PTPRD: variants seen among roughly 807,000 people sequenced by gnomAD.
PTPRD encodes protein tyrosine phosphatase receptor type D, also known as receptor-type tyrosine-protein phosphatase delta.
Under a neutral mutation model 214.5 loss-of-function variants are expected in PTPRD, and 34 were observed. That is an observed-to-expected ratio of 0.16 (90% CI 0.12 to 0.21). The LOEUF (loss-of-function observed/expected upper bound fraction) is 0.21, where lower values mean the gene tolerates loss of function less well. PTPRD is among the 10% of genes least tolerant of loss of function. The pLI is 1.00. For synonymous variants in PTPRD, 1,128 were observed against 845.7 expected, an observed-to-expected ratio of 1.33 and a Z score of -5.79; for missense variants, 2,545 against 2,398.7, an observed-to-expected ratio of 1.06 and a Z score of -1.27.
At chr9:8,467,763 G>C (rs1454270311) in intron 31 of PTPRD, among the ~76,000 whole-genome samples, 2 of 149,888 alleles carry the variant, frequency 1.3e-5, no homozygotes, top group Admixed American at 6.7e-5. Context: ...CTTTTTTCTT[G>C]ATTCTTTTCA....
intron 7 of PTPRD, among the ~76,000 whole-genome samples, chr9:9,712,726 A>C (rs2097759039): frequency 6.6e-6 from 1 of 152,198 alleles, no homozygotes; most frequent in Non-Finnish European, 1.5e-5. Flanking sequence ...TCTCAGAATA[A>C]TGCAGATTTT....
chr9:10,477,967 G>A (rs866167015), intron 2 of PTPRD, among the ~76,000 whole-genome samples: 1 of 151,700 alleles, frequency 6.6e-6, no homozygotes, highest in South Asian at 2.1e-4. Flanking sequence ...ACATCACACC[G>A]AGAACTGTCA....
chr9:8,362,302 C>CTG (rs1412897342), intron 39 of PTPRD, among the ~76,000 whole-genome samples: 1 of 152,138 alleles, frequency 6.6e-6, no homozygotes, highest in African/African-American at 2.4e-5. Context: ...CTATTGTACC[C>CTG]TACAAACCAA....
intron 26 of PTPRD, among the ~76,000 whole-genome samples, chr9:8,494,832 T>C (rs563469861): frequency 6.6e-6 from 1 of 152,150 alleles, no homozygotes; most frequent in African/African-American, 2.4e-5. Context: ...TGGATTACAT[T>C]TTCTTTCTTT....
chr9:9,973,402 C>T (rs1281279940), intron 4 of PTPRD, among the ~76,000 whole-genome samples: 1 of 151,210 alleles, frequency 6.6e-6, no homozygotes, highest in Non-Finnish European at 1.5e-5. Context: ...ACCCAGGAGA[C>T]AAGAGTTTTC....
At chr9:9,212,198 TG>T (rs1242633895) in intron 9 of PTPRD, among the ~76,000 whole-genome samples, 1 of 152,182 alleles carries the variant, frequency 6.6e-6, no homozygotes, top group Non-Finnish European at 1.5e-5. Flanking sequence ...TCTTAGGTAA[TG>T]TTTTTCATTG....
At chr9:8,859,035 T>C (rs2098035188) in intron 11 of PTPRD, among the ~76,000 whole-genome samples, 1 of 152,208 alleles carries the variant, frequency 6.6e-6, no homozygotes, top group South Asian at 2.1e-4. Flanking sequence ...ACAGCAGTGA[T>C]AATACTATAG....
chr9:8,876,850 T>C (rs2098396545), intron 11 of PTPRD, among the ~76,000 whole-genome samples: 1 of 152,162 alleles, frequency 6.6e-6, no homozygotes, highest in African/African-American at 2.4e-5. Flanking sequence ...TTAGGGAAAG[T>C]AAATTGTGTT....
At chr9:8,556,581 A>G (rs1008457105) in intron 14 of PTPRD, among the ~76,000 whole-genome samples, 2 of 145,334 alleles carry the variant, frequency 1.4e-5, no homozygotes, top group Non-Finnish European at 3.0e-5. Flanking sequence ...TATCTGTTAG[A>G]ATAAATATGC....
At chr9:8,767,422 C>T (rs2094842526) in intron 11 of PTPRD, among the ~76,000 whole-genome samples, 1 of 152,096 alleles carries the variant, frequency 6.6e-6, no homozygotes, top group African/African-American at 2.4e-5. Context: ...CGGCGTCCCA[C>T]ATTTTTTGAA....
intron 11 of PTPRD, among the ~76,000 whole-genome samples, chr9:8,803,997 G>A (rs900028794): frequency 2.0e-5 from 3 of 151,900 alleles, no homozygotes; most frequent in East Asian, 3.9e-4. Context: ...CTGTTGCCCA[G>A]GCTGGAGTGT....
intron 10 of PTPRD, among the ~76,000 whole-genome samples, chr9:9,098,541 G>A (rs1287351741): frequency 6.6e-6 from 1 of 152,138 alleles, no homozygotes; most frequent in Admixed American, 6.5e-5. Flanking sequence ...GAGCCACCAT[G>A]CCTGGCCTGT....
intron 7 of PTPRD, among the ~76,000 whole-genome samples, chr9:9,668,787 G>T (rs1008115861): frequency 2.0e-5 from 3 of 152,002 alleles, no homozygotes; most frequent in Non-Finnish European, 4.4e-5. Context: ...TCAGGACACT[G>T]GTGTTCATAA....
At position 9,504,340 on chromosome 9, in the gene PTPRD, G is replaced by C. The variant is rs1031161242; in HGVS notation, c.-237+70392C>G. On this transcript the variant is annotated intron_variant, in intron 8 of 45. Transcript: ENST00000381196. The stretch of plus-strand genomic sequence containing the variant: ...GACCACAAAATATTCCAGATATAGA[G>C]ATTTCATAGTCCCATTGTTCTTAGT... Among the ~76,000 whole-genome samples, 19 of 151,584 alleles carry C rather than the reference G, an allele frequency of 1.3e-4. No individual in the cohort carries two copies. The Admixed American group carries it at 1.3e-3, about 10-fold the overall frequency.
chr9:8,357,542 C>A (rs374372469), intron 39 of PTPRD, among the ~76,000 whole-genome samples: 15 of 152,172 alleles, frequency 9.9e-5, no homozygotes, highest in African/African-American at 2.7e-4. Context: ...GCAATAGTTC[C>A]TTTTATTGGC....
At chr9:8,679,535 C>T (rs1023824228) in intron 12 of PTPRD, among the ~76,000 whole-genome samples, 7 of 152,186 alleles carry the variant, frequency 4.6e-5, no homozygotes, top group African/African-American at 1.4e-4. Flanking sequence ...CAGCATAGAA[C>T]GCCTTCAACT....
intron 11 of PTPRD, among the ~76,000 whole-genome samples, chr9:8,874,143 C>G (rs2098350060): frequency 6.6e-6 from 1 of 152,160 alleles, no homozygotes; most frequent in African/African-American, 2.4e-5. Flanking sequence ...CAATTCCCAG[C>G]CATTATGAAT....
At chr9:9,347,951 G>C (rs1011458304) in intron 9 of PTPRD, among the ~76,000 whole-genome samples, 1 of 152,190 alleles carries the variant, frequency 6.6e-6, no homozygotes, top group East Asian at 1.9e-4. Flanking sequence ...GACATCAGTA[G>C]CCATTACTGC....
intron 3 of PTPRD, among the ~76,000 whole-genome samples, chr9:10,293,531 T>G (rs939564092): frequency 6.6e-6 from 1 of 151,958 alleles, no homozygotes; most frequent in African/African-American, 2.4e-5. Flanking sequence ...AGAAAAACTT[T>G]ATTCACACTT....
Sources: gnomAD v4.1 joint callset for allele counts (sites outside exome capture counted in the v4.1 genomes callset) on GRCh38, gnomAD v4.1.1 for gene constraint, MANE v1.5 for transcripts, NCBI Gene and HGNC (gene_info 2026-07-23, HGNC 2026-07-21) for gene names.